Variants in ANG observed in about 807,000 individuals in gnomAD.
ANG encodes Homo sapiens epididymis luminal protein 168.
For missense variants in ANG, 178 were observed against 187.4 expected, an observed-to-expected ratio of 0.95 and a Z score of 0.29; for synonymous variants, 74 against 73.8, an observed-to-expected ratio of 1.00 and a Z score of -0.02.
chr14:20,685,903 G>T (rs750239770), upstream of ANG, among the ~76,000 whole-genome samples: 2 of 152,056 alleles, frequency 1.3e-5, no homozygotes, highest in African/African-American at 2.4e-5. Flanking sequence ...AGCCGGGCAC[G>T]GTGGTGAGCA....
upstream of ANG, among the ~76,000 whole-genome samples, chr14:20,688,032 G>T (rs4470055): frequency 2.0e-5 from 3 of 151,994 alleles, no homozygotes; most frequent in Admixed American, 6.5e-5. Context: ...CTGTTTTTAC[G>T]CAAGCAATGG....
chr14:20,689,913 C>T (rs1478688802), intron 1 of ANG, among the ~76,000 whole-genome samples: 1 of 110,332 alleles, frequency 9.1e-6, no homozygotes, highest in Non-Finnish European at 1.8e-5. Context: ...AAGACTCTGT[C>T]TCAAAAAAAA....
intron 1 of ANG, among the ~76,000 whole-genome samples, chr14:20,690,953 G>C (rs1208766756): frequency 6.6e-6 from 1 of 152,198 alleles, no homozygotes; most frequent in East Asian, 1.9e-4. Flanking sequence ...CTGACAACAG[G>C]TCGGTCTTTA....
In ANG at chr14:20,694,089, A is replaced by T. The variant is rs550007170; in HGVS notation, c.*81A>T. On this transcript the variant is annotated 3_prime_UTR_variant, in exon 2 of 2. Coordinates refer to ENST00000397990, the MANE Select transcript of ANG (RefSeq NM_001097577.3). ...CTGCACCCAGAACAGTGGTGGCAAC[A>T]TTCATTGCCAAGGGCCCAAAGAAAG... The T allele has an allele frequency of 2.7e-6, 4 of 1,498,980 alleles. No individual in the cohort carries two copies. Among genetic ancestry groups the T allele is most frequent in the Non-Finnish European group, 3.7e-6 (4 of 1,075,646 alleles). The allele number at this position is 1,498,980 out of a possible 1,614,324, so 92.9% of individuals were successfully genotyped here. A position where few individuals can be genotyped will look rare whatever the true frequency, so the allele number is the denominator to read the frequency against.
chr14:20,693,675 C>T lies in ANG; in HGVS notation c.111C>T (p.His37=). The change falls in exon 2 of 2, where the codon CAC becomes CAT. Residue 37 remains histidine (H), a synonymous_variant. Transcript: ENST00000397990. ...GGTACACACACTTCCTGACCCAGCA[C>T]TATGATGCCAAACCACAGGGCCGGG... ...NSRYTHFLTQ[H]YDAKPQGRDD... is the part of the protein sequence containing the mutation. 1 of 1,614,182 alleles carries T rather than the reference C, an allele frequency of 6.2e-7. No homozygotes were observed. Among genetic ancestry groups the T allele is most frequent in the South Asian group, 1.1e-5 (1 of 91,086 alleles).
upstream of ANG, among the ~76,000 whole-genome samples, chr14:20,686,928 G>A (rs963072370): frequency 1.6e-4 from 24 of 152,126 alleles, no homozygotes; most frequent in African/African-American, 5.8e-4. Context: ...TCTAACACTA[G>A]GGTCCTTGGA....
In ANG at chr14:20,694,038, T is replaced by C. The variant is rs768490521; in HGVS notation, c.*30T>C. ...CGGGCCCCTGGTCAAGTGCTGGCTC[T>C]GCTGTCCTTGCCTTCCATTTCCCCT... On this transcript the variant is annotated 3_prime_UTR_variant, in exon 2 of 2. Transcript: ENST00000397990. The C allele has an allele frequency of 2.5e-6, 4 of 1,612,236 alleles. No individual in the cohort carries two copies. The East Asian group carries it at 8.9e-5, about 36-fold the overall frequency.
rs546435629 is a variant in ANG, at chr14:20,688,775, C to A, written c.-118C>A. 50 of 985,372 alleles carry A rather than the reference C, an allele frequency of 5.1e-5. No homozygotes were observed. The highest frequency in any genetic ancestry group is 5.2e-4 in the Middle Eastern group (1 of 1,914). 61.0% of individuals were successfully genotyped at this position (985,372 alleles called of 1,614,324 possible). A position where few individuals can be genotyped will look rare whatever the true frequency, so the allele number is the denominator to read the frequency against. ...TATAATCAGAACCTGGAGAGGCCTC[C>A]AGGTTCACACAACTGGAACCCATCT... On this transcript the variant is annotated 5_prime_UTR_variant, in exon 1 of 2. Transcript: ENST00000397990.
chr14:20,690,239 A>AAAAG (rs1886666605), intron 1 of ANG, among the ~76,000 whole-genome samples: 4 of 149,734 alleles, frequency 2.7e-5, no homozygotes, highest in African/African-American at 9.9e-5. Flanking sequence ...AAAAAAAAAA[A>AAAAG]AAAAAAAAAG....
chr14:20,686,750 C>T (rs1056213819), upstream of ANG, among the ~76,000 whole-genome samples: 1 of 152,222 alleles, frequency 6.6e-6, no homozygotes, highest in Non-Finnish European at 1.5e-5. Context: ...GCTTTTCCTT[C>T]TTTACCTGTT....
chr14:20,694,110 G>T lies in ANG; in HGVS notation c.*102G>T. ...CAACATTCATTGCCAAGGGCCCAAA[G>T]AAAGAGCTACCTGGACCTTTTGTTT... On this transcript the variant is annotated 3_prime_UTR_variant, in exon 2 of 2. Coordinates refer to ENST00000397990, the MANE Select transcript of ANG (RefSeq NM_001097577.3). 7.6e-7 allele frequency: 1 copy of T among 1,317,132 alleles called. No homozygotes were observed. The allele number at this position is 1,317,132 out of a possible 1,614,324, so 81.6% of individuals were successfully genotyped here.
Position 20,694,131 on chromosome 14 carries a change from T to A in ANG, c.*123T>A. On this transcript the variant is annotated 3_prime_UTR_variant, in exon 2 of 2. Coordinates refer to ENST00000397990, the MANE Select transcript of ANG (RefSeq NM_001097577.3). Reference sequence around the variant, plus strand: ...CAAAGAAAGAGCTACCTGGACCTTTTGTTTTCTGTTTGACAACATGTTTAA... The same window carrying A: ...CAAAGAAAGAGCTACCTGGACCTTTAGTTTTCTGTTTGACAACATGTTTAA... 9.6e-7 allele frequency: 1 copy of A among 1,046,754 alleles called. No homozygotes were observed. Among genetic ancestry groups the A allele is most frequent in the South Asian group, 1.3e-5 (1 of 75,396 alleles). The allele number at this position is 1,046,754 out of a possible 1,614,324, so 64.8% of individuals were successfully genotyped here. A position where few individuals can be genotyped will look rare whatever the true frequency, so the allele number is the denominator to read the frequency against.
chr14:20,693,894 T>G lies in ANG; in HGVS notation c.330T>G (p.Gly110=), dbSNP rs11701. 210,939 of 1,614,020 alleles carry G rather than the reference T, an allele frequency of 0.13. 14,674 individuals are homozygous for G. Among genetic ancestry groups the G allele is most frequent in the Middle Eastern group, 0.21 (1,243 of 6,062 alleles). ...TCACCACTTGCAAGCTACATGGAGG[T>G]TCCCCCTGGCCTCCATGCCAGTACC... The part of the protein sequence containing the change: ...FQVTTCKLHG[G]SPWPPCQYRA... The change falls in exon 2 of 2, where the codon GGT becomes GGG. Residue 110 remains glycine (G), a synonymous_variant. Transcript: ENST00000397990.
Position 20,693,780 on chromosome 14 carries a change from C to T in ANG, c.216C>T (p.Gly72=). ...AAGACATCAACACATTTATTCATGG[C>T]AACAAGCGCAGCATCAAGGCCATCT... ...PCKDINTFIH[G]NKRSIKAICE... is the part of the protein sequence containing the mutation. Residue 72 remains glycine, a synonymous_variant, in exon 2 of 2, where the codon GGC becomes GGT. Transcript: ENST00000397990. 6.2e-7 allele frequency: 1 copy of T among 1,614,166 alleles called. No homozygotes were observed. The highest frequency in any genetic ancestry group is 8.5e-7 in the Non-Finnish European group (1 of 1,180,036).
rs1241226683 is a variant in ANG, at chr14:20,693,828, T to G, written c.264T>G (p.Pro88=). 6.2e-7 allele frequency: 1 copy of G among 1,614,054 alleles called. No homozygotes were observed. Among genetic ancestry groups the G allele is most frequent in the African/African-American group, 1.3e-5 (1 of 74,922 alleles). ...TCTGTGAAAACAAGAATGGAAACCCTCACAGAGAAAACCTAAGAATAAGCA... is the reference window on the plus strand; with the variant it reads ...TCTGTGAAAACAAGAATGGAAACCCGCACAGAGAAAACCTAAGAATAAGCA... ...KAICENKNGN[P]HRENLRISKS... Residue 88 remains proline, a synonymous_variant, in exon 2 of 2, where the codon CCT becomes CCG. Coordinates refer to ENST00000397990, the MANE Select transcript of ANG (RefSeq NM_001097577.3).
intron 1 of ANG, 92 bp downstream of exon 1, chr14:20,688,966 C>G: frequency 4.8e-6 from 3 of 628,572 alleles, no homozygotes; most frequent in Non-Finnish European, 6.0e-6. Flanking sequence ...CCTCCAGGCT[C>G]AAGCTCATGA....
chr14:20,692,904 G>A (rs1886846719), intron 1 of ANG, among the ~76,000 whole-genome samples: 1 of 152,070 alleles, frequency 6.6e-6, no homozygotes, highest in South Asian at 2.1e-4. Flanking sequence ...CTGGAGTGCA[G>A]TGGCGCGATC....
At chr14:20,685,133 T>A (rs146973333), upstream of ANG, among the ~76,000 whole-genome samples, 3,867 of 152,246 alleles carry the variant, frequency 0.025, 68 homozygotes, top group South Asian at 0.043. Flanking sequence ...AGGCCTTAGT[T>A]TTTTGCAAGC....
intron 1 of ANG, among the ~76,000 whole-genome samples, chr14:20,693,137 G>A (rs1294050749): frequency 3.9e-5 from 6 of 152,202 alleles, no homozygotes; most frequent in South Asian, 2.1e-4. Context: ...GTGAGCCACC[G>A]CGCCCGGCCG....
Sources: gnomAD v4.1 joint callset for allele counts (sites outside exome capture counted in the v4.1 genomes callset) on GRCh38, gnomAD v4.1.1 for gene constraint, MANE v1.5 for transcripts, NCBI Gene and HGNC (gene_info 2026-07-23, HGNC 2026-07-21) for gene names.